XKR4: variants seen among roughly 807,000 people sequenced by gnomAD.
XKR4 encodes the protein XK-related protein 4.
Under a neutral mutation model 53.9 loss-of-function variants are expected in XKR4, and 12 were observed. That is an observed-to-expected ratio of 0.22 (90% CI 0.14 to 0.36). XKR4 has a LOEUF of 0.36. Ranked by LOEUF, XKR4 falls within the 10% of genes least tolerant of loss-of-function variation. The pLI is 1.00. For missense variants in XKR4, 799 were observed against 859.5 expected (o/e 0.93, Z 0.88); for synonymous variants, 354 against 362.4 (o/e 0.98, Z 0.26).
chr8:55,188,272 A>G (rs1047479603), intron 1 of XKR4, among the ~76,000 whole-genome samples: 5 of 152,216 alleles, frequency 3.3e-5, no homozygotes, highest in African/African-American at 9.6e-5. Context: ...TTACTCTTCT[A>G]AGTCTTAACC....
intron 2 of XKR4, among the ~76,000 whole-genome samples, chr8:55,478,622 AAG>A (rs1395574056): frequency 6.6e-6 from 1 of 152,192 alleles, no homozygotes; most frequent in East Asian, 1.9e-4. Flanking sequence ...ATAAAGAGTC[AAG>A]ACCCATCAGT....
chr8:55,336,593 A>AT (rs973343815), intron 1 of XKR4, among the ~76,000 whole-genome samples: 8 of 152,056 alleles, frequency 5.3e-5, no homozygotes, highest in Admixed American at 3.3e-4. Context: ...TCTATATACT[A>AT]TTTTTTTCAA....
At chr8:55,203,382 T>C (rs531973277) in intron 1 of XKR4, among the ~76,000 whole-genome samples, 1 of 152,294 alleles carries the variant, frequency 6.6e-6, no homozygotes, top group South Asian at 2.1e-4. Context: ...GAGTTGGCTT[T>C]ATTGCACCTA....
rs550126325 is a variant in XKR4 at position 55,528,342 on chromosome 8, A to G, written c.*4115A>G. 5.3e-5 allele frequency: 8 copies of G among 152,334 alleles called. No individual in the cohort carries two copies. In the East Asian group the frequency reaches 1.3e-3, roughly 26 times the overall value. The allele number at this position is 152,334 out of a possible 1,614,324, so 9.4% of individuals were successfully genotyped here. A position where few individuals can be genotyped will look rare whatever the true frequency, so the allele number is the denominator to read the frequency against. On this transcript the variant is annotated 3_prime_UTR_variant, in exon 3 of 3. Coordinates refer to ENST00000327381, the MANE Select transcript of XKR4 (RefSeq NM_052898.2). ...AAAGTTTCTTTCTCTGAACAGATTG[A>G]ATTGAGCAAAGAGAACCTCTTCTGT...
chr8:55,129,345 C>G (rs912276933), intron 1 of XKR4, among the ~76,000 whole-genome samples: 1 of 152,218 alleles, frequency 6.6e-6, no homozygotes, highest in African/African-American at 2.4e-5. Context: ...TCCGTTCTCA[C>G]TCCTGCAGGT....
At chr8:55,451,009 T>C (rs1366753781) in intron 2 of XKR4, 2 of 549,310 alleles carry the variant, frequency 3.6e-6, no homozygotes, top group Admixed American at 2.4e-5. Flanking sequence ...AGCAGCTTTT[T>C]GAAGCTAGCC....
At chr8:55,275,015 C>T (rs1307754936) in intron 1 of XKR4, among the ~76,000 whole-genome samples, 1 of 152,094 alleles carries the variant, frequency 6.6e-6, no homozygotes, top group African/African-American at 2.4e-5. Flanking sequence ...TATTAGAAAA[C>T]TGGAATTTGA....
intron 1 of XKR4, among the ~76,000 whole-genome samples, chr8:55,306,100 T>C (rs1819295013): frequency 6.6e-6 from 1 of 152,134 alleles, no homozygotes; most frequent in Admixed American, 6.6e-5. Flanking sequence ...TTGTTTAAAG[T>C]GGGGTGTATT....
At chr8:55,450,471 GCC>G in intron 2 of XKR4, 1 of 604,150 alleles carries the variant, frequency 1.7e-6, no homozygotes, top group Non-Finnish European at 3.1e-6. Flanking sequence ...CTCCTGCGCT[GCC>G]CCTTCTCCTC....
chr8:55,361,018 G>A (rs941814084), intron 2 of XKR4, among the ~76,000 whole-genome samples: 2 of 152,204 alleles, frequency 1.3e-5, no homozygotes, highest in Non-Finnish European at 2.9e-5. Flanking sequence ...TCTCAAACCT[G>A]AATATGCAGC....
chr8:55,359,746 A>T (rs1400079318), intron 2 of XKR4, among the ~76,000 whole-genome samples: 1 of 152,134 alleles, frequency 6.6e-6, no homozygotes, highest in Non-Finnish European at 1.5e-5. Flanking sequence ...TGAGAGAGGG[A>T]TCTGAGAAAA....
chr8:55,139,578 A>G (rs1245177519), intron 1 of XKR4, among the ~76,000 whole-genome samples: 3 of 151,992 alleles, frequency 2.0e-5, no homozygotes, highest in Non-Finnish European at 4.4e-5. Flanking sequence ...TTCTCCTAAA[A>G]CAGATGACTC....
intron 1 of XKR4, among the ~76,000 whole-genome samples, chr8:55,203,237 G>A (rs1287845888): frequency 6.6e-6 from 1 of 152,228 alleles, no homozygotes; most frequent in Non-Finnish European, 1.5e-5. Flanking sequence ...TATTGCGCCT[G>A]CCATGCTGTC....
At chr8:55,323,201 T>C (rs1339014710) in intron 1 of XKR4, among the ~76,000 whole-genome samples, 2 of 152,250 alleles carry the variant, frequency 1.3e-5, no homozygotes, top group Non-Finnish European at 2.9e-5. Flanking sequence ...ATTACTACTA[T>C]TAATTTATGT....
chr8:55,464,388 T>A (rs1006974545), intron 2 of XKR4, among the ~76,000 whole-genome samples: 5 of 152,164 alleles, frequency 3.3e-5, no homozygotes, highest in Non-Finnish European at 5.9e-5. Context: ...CATGATTATC[T>A]CAATAGATGC....
chr8:55,515,197 A>G (rs1806694393), intron 2 of XKR4, among the ~76,000 whole-genome samples: 1 of 152,242 alleles, frequency 6.6e-6, no homozygotes, highest in South Asian at 2.1e-4. Context: ...CTCCAAATGG[A>G]TTACCAAAAG....
In XKR4 at chr8:55,524,170, G is replaced by A; in HGVS notation, c.1896G>A (p.Leu632=). The stretch of plus-strand genomic sequence containing the variant: ...AATGTTCCCCATCTCCTCCAAGGCT[G>A]CAGTACAAAGATGATGCCCTTATTC... ...AFECSPSPPR[L]QYKDDALIQE... Residue 632 remains leucine (L), a synonymous_variant, in exon 3 of 3, where the codon CTG becomes CTA. Coordinates refer to ENST00000327381, the MANE Select transcript of XKR4 (RefSeq NM_052898.2). 1 of 1,614,210 alleles carries A rather than the reference G, an allele frequency of 6.2e-7. No homozygotes were observed. The highest frequency in any genetic ancestry group is 8.5e-7 in the Non-Finnish European group (1 of 1,180,034).
chr8:55,223,376 T>C (rs1817909039), intron 1 of XKR4, among the ~76,000 whole-genome samples: 1 of 152,182 alleles, frequency 6.6e-6, no homozygotes, highest in Non-Finnish European at 1.5e-5. Flanking sequence ...TCCTGTTTTG[T>C]GTTCAGTAAT....
intron 2 of XKR4, among the ~76,000 whole-genome samples, chr8:55,425,468 T>C (rs966672253): frequency 1.3e-5 from 2 of 152,198 alleles, no homozygotes; most frequent in African/African-American, 4.8e-5. Context: ...AATTATTAGA[T>C]TGAGATCTCC....
Sources: allele counts gnomAD v4.1 joint callset (sites outside exome capture counted in the v4.1 genomes callset), GRCh38; gene constraint gnomAD v4.1.1; transcripts MANE v1.5; gene names NCBI Gene and HGNC (gene_info 2026-07-23, HGNC 2026-07-21).